TCERG1L: variants seen among roughly 807,000 people sequenced by gnomAD.
TCERG1L encodes transcription elongation regulator 1 like.
A neutral mutation model predicts 56.3 loss-of-function variants in TCERG1L; 37 were observed. That is an observed-to-expected ratio of 0.66 (90% CI 0.51 to 0.87). The LOEUF is 0.87. TCERG1L is among the 40% of genes least tolerant of loss of function. TCERG1L has a pLI of 0.00. For missense variants in TCERG1L, 799 were observed against 774.2 expected (o/e 1.03, Z -0.38); for synonymous variants, 324 against 326.3 (o/e 0.99, Z 0.08).
intron 10 of TCERG1L, among the ~76,000 whole-genome samples, chr10:131,098,692 A>T (rs1262195930): frequency 6.6e-6 from 1 of 152,196 alleles, no homozygotes; most frequent in Admixed American, 6.5e-5. Context: ...GCCCTGCTGG[A>T]GAAACCCGGA....
chr10:131,230,126 C>T (rs79980631), intron 4 of TCERG1L, among the ~76,000 whole-genome samples: 4,943 of 152,244 alleles, frequency 0.032, 246 homozygotes, highest in African/African-American at 0.11. Context: ...CCCAGAGTGC[C>T]CAGCCCGGCT....
chr10:131,147,406 T>G (rs1364531952), intron 6 of TCERG1L, among the ~76,000 whole-genome samples: 1 of 152,168 alleles, frequency 6.6e-6, no homozygotes, highest in Non-Finnish European at 1.5e-5. Context: ...GCCTGCGGCA[T>G]GGAGGTGCAC....
intron 7 of TCERG1L, among the ~76,000 whole-genome samples, chr10:131,144,821 CTTG>C (rs1004542430): frequency 6.6e-6 from 1 of 152,142 alleles, no homozygotes; most frequent in African/African-American, 2.4e-5. Context: ...ACATGAGATT[CTTG>C]TTAAAAGAAG....
At chr10:131,206,302 G>A (rs937697000) in intron 4 of TCERG1L, among the ~76,000 whole-genome samples, 2 of 152,208 alleles carry the variant, frequency 1.3e-5, no homozygotes, top group South Asian at 4.1e-4. Flanking sequence ...CACTGGGCAG[G>A]GAGGTCAGCC....
intron 4 of TCERG1L, among the ~76,000 whole-genome samples, chr10:131,178,265 T>C (rs1452612170): frequency 6.6e-6 from 1 of 152,134 alleles, no homozygotes; most frequent in African/African-American, 2.4e-5. Context: ...TGCCAGGTGC[T>C]TGGAGGGGAC....
intron 4 of TCERG1L, among the ~76,000 whole-genome samples, chr10:131,203,559 C>T (rs1304424248): frequency 6.6e-6 from 1 of 152,326 alleles, no homozygotes; most frequent in African/African-American, 2.4e-5. Context: ...TCATGTCAAC[C>T]GTTCACATTC....
intron 6 of TCERG1L, among the ~76,000 whole-genome samples, chr10:131,157,093 G>A (rs892114008): frequency 1.3e-5 from 2 of 152,154 alleles, no homozygotes; most frequent in African/African-American, 4.8e-5. Context: ...TACTCATTTT[G>A]ATAATCCGCC....
chr10:131,230,416 T>G (rs548126734), intron 4 of TCERG1L, among the ~76,000 whole-genome samples: 1 of 152,192 alleles, frequency 6.6e-6, no homozygotes. Flanking sequence ...CCACCTCCAG[T>G]GTCCACCCCA....
chr10:131,126,865 C>G (rs1357143599), intron 8 of TCERG1L, among the ~76,000 whole-genome samples: 1 of 152,202 alleles, frequency 6.6e-6, no homozygotes, highest in Non-Finnish European at 1.5e-5. Flanking sequence ...AGATCTTGGT[C>G]TCAGAGCTCT....
chr10:131,232,094 C>T (rs1212056251), intron 4 of TCERG1L, among the ~76,000 whole-genome samples: 1 of 152,260 alleles, frequency 6.6e-6, no homozygotes, highest in Non-Finnish European at 1.5e-5. Context: ...ACTCCAGTCC[C>T]AGCCTTGTGC....
intron 4 of TCERG1L, among the ~76,000 whole-genome samples, chr10:131,197,286 A>G (rs1158472433): frequency 2.0e-5 from 3 of 151,742 alleles, no homozygotes; most frequent in Non-Finnish European, 2.9e-5. Context: ...GGTTCACACC[A>G]TTCTCCTGCC....
intron 4 of TCERG1L, among the ~76,000 whole-genome samples, chr10:131,175,678 C>T (rs1293206012): frequency 6.6e-6 from 1 of 152,220 alleles, no homozygotes; most frequent in African/African-American, 2.4e-5. Flanking sequence ...GCAAAAGAGA[C>T]ATATTAAACC....
At chr10:131,116,261 C>A (rs1309040965) in intron 9 of TCERG1L, among the ~76,000 whole-genome samples, 3 of 152,184 alleles carry the variant, frequency 2.0e-5, no homozygotes, top group African/African-American at 7.2e-5. Flanking sequence ...ATTTAAAAAA[C>A]AGTCACGTTC....
chr10:131,215,284 C>T (rs537798054), intron 4 of TCERG1L, among the ~76,000 whole-genome samples: 2 of 152,268 alleles, frequency 1.3e-5, no homozygotes, highest in East Asian at 1.9e-4. Flanking sequence ...CAGAAACAAG[C>T]GGCTCATGAG....
At position 131,256,992 on chromosome 10, in the gene TCERG1L, G is replaced by GAAAGAAGGAAA. The variant is rs1846172871; in HGVS notation, c.856+3266_856+3267insTTTCCTTCTTT. ...AGGAAGGAAGGAAGGAAGGAAGGAAGGAAAGAAAGAAAGAAAGAAAGAAAG... is the reference window on the plus strand; with the variant it reads ...AGGAAGGAAGGAAGGAAGGAAGGAAGAAAGAAGGAAAGAAAGAAAGAAAGAAAGAAAGAAAG... On this transcript the variant is annotated intron_variant, in intron 4 of 11. Coordinates refer to ENST00000368642, the MANE Select transcript of TCERG1L (RefSeq NM_174937.4). Among the ~76,000 whole-genome samples, 86 of 59,212 alleles carry GAAAGAAGGAAA rather than the reference G, an allele frequency of 1.5e-3. 1 individual carries two copies. Among genetic ancestry groups the GAAAGAAGGAAA allele is most frequent in the African/African-American group, 4.4e-3 (79 of 18,142 alleles). 38.8% of individuals were successfully genotyped at this position (59,212 alleles called of 152,430 possible).
At position 131,116,793 on chromosome 10, in the gene TCERG1L, C is replaced by G. The variant is rs1304036640; in HGVS notation, c.1395+6G>C. ...GGAGTGCAGCCCCTCAGCCGCTGTG[C>G]CTTACCCCTCTCTCCAGCAGCATGT... On this transcript the variant is annotated splice_donor_region_variant and intron_variant, in intron 9 of 11. Coordinates refer to ENST00000368642, the MANE Select transcript of TCERG1L (RefSeq NM_174937.4). The G allele has an allele frequency of 6.4e-7, 1 of 1,556,374 alleles. No homozygotes were observed. The highest frequency in any genetic ancestry group is 8.7e-7 in the Non-Finnish European group (1 of 1,151,698).
intron 5 of TCERG1L, among the ~76,000 whole-genome samples, chr10:131,163,840 G>T (rs1009865127): frequency 6.6e-6 from 1 of 152,100 alleles, no homozygotes; most frequent in African/African-American, 2.4e-5. Flanking sequence ...AAATAAGAAT[G>T]TTTGAAATGC....
At chr10:131,229,965 G>A (rs1307082523) in intron 4 of TCERG1L, among the ~76,000 whole-genome samples, 1 of 152,232 alleles carries the variant, frequency 6.6e-6, no homozygotes, top group Non-Finnish European at 1.5e-5. Flanking sequence ...GGACGAGGCA[G>A]CTTCCCCTCC....
rs1845325655 is a variant in TCERG1L at position 131,103,804 on chromosome 10, A to G, written c.1485+461T>C. Among the ~76,000 whole-genome samples, 1 of 152,222 alleles carries G rather than the reference A, an allele frequency of 6.6e-6. No homozygotes were observed. Among genetic ancestry groups the G allele is most frequent in the Admixed American group, 6.5e-5 (1 of 15,284 alleles). On this transcript the variant is annotated intron_variant, in intron 10 of 11. Transcript: ENST00000368642. This position sits in a 1 kb window ranked among gnomAD's most constrained non-coding sequence, Gnocchi z 4.3. ...ATACAAGTATGAGAACCCTCTCTTC[A>G]TGGCCTTCCTCCATTCTATTTGTTA... is the stretch of plus-strand genomic sequence containing the variant.
Sources: allele counts gnomAD v4.1 joint callset (sites outside exome capture counted in the v4.1 genomes callset), GRCh38; gene constraint gnomAD v4.1.1; non-coding constraint Gnocchi (gnomAD v3.1); transcripts MANE v1.5; gene names NCBI Gene and HGNC (gene_info 2026-07-23, HGNC 2026-07-21).